FAM171A1: variants seen among roughly 807,000 people sequenced by gnomAD.
FAM171A1 encodes family with sequence similarity 171 member A1.
A neutral mutation model predicts 74.9 loss-of-function variants in FAM171A1; 23 were observed. The observed-to-expected ratio is 0.31, with a 90% CI of 0.22 to 0.44. The LOEUF (loss-of-function observed/expected upper bound fraction) is 0.44, where lower values mean the gene tolerates loss of function less well. Ranked by LOEUF, FAM171A1 falls within the 20% of genes least tolerant of loss-of-function variation. The pLI is 1.00. For missense variants in FAM171A1, 1,162 were observed against 1,159.2 expected, an observed-to-expected ratio of 1.00 and a Z score of -0.03; for synonymous variants, 527 against 505.7, an observed-to-expected ratio of 1.04 and a Z score of -0.57.
At chr10:15,330,348 A>T (rs1236375994) in intron 1 of FAM171A1, among the ~76,000 whole-genome samples, 1 of 152,122 alleles carries the variant, frequency 6.6e-6, no homozygotes, top group Non-Finnish European at 1.5e-5. Context: ...GAATTATTTT[A>T]CCACAGTGTC....
At chr10:15,231,668 C>T (rs1335854220) in intron 5 of FAM171A1, among the ~76,000 whole-genome samples, 1 of 152,052 alleles carries the variant, frequency 6.6e-6, no homozygotes, top group Non-Finnish European at 1.5e-5. Context: ...CATTTCCTAC[C>T]ATGTGGCTGT....
rs1399479195 is a variant in FAM171A1, at chr10:15,371,011, G to A, written c.42C>T (p.Cys14=). Residue 14 remains cysteine, a synonymous_variant, in exon 1 of 8, where the codon TGC becomes TGT. Coordinates refer to ENST00000378116, the MANE Select transcript of FAM171A1 (RefSeq NM_001010924.2). The part of the protein sequence containing the change: ...SATLLLCLLG[C]HVWKAVTKTL... ...TCTTGGTCACCGCCTTCCAGACGTG[G>A]CAGCCCAGCAGGCACAGCAGCAGCG... 1 of 1,188,352 alleles carries A rather than the reference G, an allele frequency of 8.4e-7. No individual in the cohort carries two copies. Among genetic ancestry groups the A allele is most frequent in the Admixed American group, 3.0e-5 (1 of 33,710 alleles). The allele number at this position is 1,188,352 out of a possible 1,614,324, so 73.6% of individuals were successfully genotyped here. A position where few individuals can be genotyped will look rare whatever the true frequency, so the allele number is the denominator to read the frequency against.
intron 1 of FAM171A1, among the ~76,000 whole-genome samples, chr10:15,361,249 C>T (rs1835989901): frequency 6.6e-6 from 1 of 152,184 alleles, no homozygotes; most frequent in South Asian, 2.1e-4. Flanking sequence ...TTCTTATTGA[C>T]TCCTCTGTGA....
At chr10:15,256,290 C>T (rs1283505742) in intron 3 of FAM171A1, among the ~76,000 whole-genome samples, 3 of 152,148 alleles carry the variant, frequency 2.0e-5, no homozygotes, top group Admixed American at 6.5e-5. Flanking sequence ...TTTAGAGCTC[C>T]AAGAATCCAC....
At chr10:15,244,487 C>G (rs1834405255) in intron 5 of FAM171A1, among the ~76,000 whole-genome samples, 1 of 152,304 alleles carries the variant, frequency 6.6e-6, no homozygotes, top group African/African-American at 2.4e-5. Flanking sequence ...CCATTGCACT[C>G]TAGCCTGGGT....
chr10:15,224,121 T>C (rs941615518), intron 5 of FAM171A1, among the ~76,000 whole-genome samples: 136 of 151,704 alleles, frequency 9.0e-4, no homozygotes, highest in African/African-American at 3.3e-3. Flanking sequence ...CCACCTGGGG[T>C]GGGTGTAGAA....
chr10:15,266,341 A>G (rs1292038910), intron 3 of FAM171A1, among the ~76,000 whole-genome samples: 2 of 152,148 alleles, frequency 1.3e-5, no homozygotes, highest in East Asian at 3.9e-4. Flanking sequence ...TCCAACAGCC[A>G]TGGCTGGGAG....
At chr10:15,232,431 C>T (rs1429887882) in intron 5 of FAM171A1, among the ~76,000 whole-genome samples, 1 of 152,200 alleles carries the variant, frequency 6.6e-6, no homozygotes, top group Admixed American at 6.5e-5. Flanking sequence ...GGGCCCTTCC[C>T]CAGCTTGTTT....
At chr10:15,280,889 A>G (rs141466905) in intron 2 of FAM171A1, among the ~76,000 whole-genome samples, 1 of 152,104 alleles carries the variant, frequency 6.6e-6, no homozygotes, top group African/African-American at 2.4e-5. Flanking sequence ...AATTTTGGAG[A>G]TGTTTCCTGT....
In FAM171A1 at chr10:15,267,020, G is replaced by A. The variant is rs77039704; in HGVS notation, c.418+8835C>T. On this transcript the variant is annotated intron_variant, in intron 3 of 7. Transcript: ENST00000378116. ...GAGCTCCACCTCAGGTAGACCCAAC[G>A]GGCAGTTTAGCGCACGGTGTGTTGG... Among the ~76,000 whole-genome samples the A allele has an allele frequency of 6.4e-3, 970 of 152,288 alleles. 6 individuals are homozygous for A. The highest frequency in any genetic ancestry group is 0.019 in the East Asian group (98 of 5,174).
In FAM171A1 at chr10:15,213,943, C is replaced by G. The variant is rs1051211743; in HGVS notation, c.1645G>C (p.Glu549Gln). The change falls in exon 8 of 8, where the codon GAG (glutamate) becomes CAG (glutamine). Residue 549 changes from glutamate to glutamine, a missense_variant. Transcript: ENST00000378116. The surrounding 1 kb of genome is among the most constrained non-coding windows in gnomAD (Gnocchi z 6.8). ...CMMSRSVDHLERPTSFPRPGQ... is the reference protein window; with the variant it reads ...CMMSRSVDHLQRPTSFPRPGQ... ...GGCCGTGGGAAGGACGTAGGTCTCT[C>G]GAGGTGATCTACTGATCGCGACATC... is the stretch of plus-strand genomic sequence containing the variant. 1 of 1,614,120 alleles carries G rather than the reference C, an allele frequency of 6.2e-7. No homozygotes were observed. Among genetic ancestry groups the G allele is most frequent in the Admixed American group, 1.7e-5 (1 of 60,014 alleles).
chr10:15,297,828 C>T (rs905115717), intron 1 of FAM171A1, among the ~76,000 whole-genome samples: 22 of 152,100 alleles, frequency 1.4e-4, no homozygotes, highest in Admixed American at 3.9e-4. Flanking sequence ...TTACTGGACC[C>T]GGTACAAAAT....
Position 15,283,990 on chromosome 10 carries a change from A to C in FAM171A1, c.213T>G (p.Asp71Glu). ...ASIASGTSGTDGVAFIKFQYK... is the reference protein window; with the variant it reads ...ASIASGTSGTEGVAFIKFQYK... Reference sequence around the variant, plus strand: ...ACTGGAACTTGATAAAGGCGACGCCATCAGTCCCCGAGGTGCCAGAGGCTA... The same window carrying C: ...ACTGGAACTTGATAAAGGCGACGCCCTCAGTCCCCGAGGTGCCAGAGGCTA... Residue 71 changes from aspartate (D) to glutamate (E), a missense_variant, in exon 2 of 8, where the codon GAT (aspartate) becomes GAG (glutamate). Physicochemically the swap from Asp to Glu is conservative, Grantham distance 45 (BLOSUM62 2). Transcript: ENST00000378116. The C allele has an allele frequency of 6.2e-7, 1 of 1,614,218 alleles. No individual in the cohort carries two copies. The highest frequency in any genetic ancestry group is 8.5e-7 in the Non-Finnish European group (1 of 1,180,030).
intron 5 of FAM171A1, chr10:15,240,916 C>T (rs1036132595): frequency 1.9e-5 from 3 of 159,332 alleles, no homozygotes; most frequent in Admixed American, 1.3e-4. Flanking sequence ...TGCTGGCACA[C>T]ACCTGTCGTA....
chr10:15,285,087 T>C (rs1051015827), intron 1 of FAM171A1, among the ~76,000 whole-genome samples: 10 of 152,230 alleles, frequency 6.6e-5, no homozygotes, highest in African/African-American at 2.2e-4. Flanking sequence ...AGGCAAGGGA[T>C]AGTTACCGAA....
chr10:15,282,521 G>A (rs747808508), intron 2 of FAM171A1, among the ~76,000 whole-genome samples: 2 of 152,140 alleles, frequency 1.3e-5, no homozygotes, highest in African/African-American at 2.4e-5. Context: ...TTGTAGCAGT[G>A]GTTCAGTATT....
chr10:15,222,687 C>A (rs760758591), intron 5 of FAM171A1, among the ~76,000 whole-genome samples: 1 of 152,200 alleles, frequency 6.6e-6, no homozygotes, highest in Admixed American at 6.5e-5. Context: ...TGGGTTGCTT[C>A]GAGGCCTTAT....
intron 1 of FAM171A1, among the ~76,000 whole-genome samples, chr10:15,351,822 G>A (rs1453265215): frequency 1.3e-5 from 2 of 152,230 alleles, no homozygotes; most frequent in East Asian, 1.9e-4. Flanking sequence ...TAGGGCCAAG[G>A]CAGGTGGATC....
Position 15,216,020 on chromosome 10 carries a change from A to G in FAM171A1, c.962T>C (p.Leu321Pro). The G allele has an allele frequency of 6.2e-7, 1 of 1,608,934 alleles. No homozygotes were observed. Among genetic ancestry groups the G allele is most frequent in the East Asian group, 2.2e-5 (1 of 44,820 alleles). ...GGMAFILLVL[L>P]CLLLYYCRRK... ...CCTGCAATAATATAAAAGGAGACAC[A>G]GCAAAACCAAAAGTATGAAAGCCAT... Residue 321 changes from leucine (L) to proline (P), a missense_variant, in exon 7 of 8, where the codon CTG (leucine) becomes CCG (proline). Physicochemically the swap from Leu to Pro is moderately conservative, Grantham distance 98. Coordinates refer to ENST00000378116, the MANE Select transcript of FAM171A1 (RefSeq NM_001010924.2).
Sources: allele counts gnomAD v4.1 joint callset (sites outside exome capture counted in the v4.1 genomes callset), GRCh38; gene constraint gnomAD v4.1.1; non-coding constraint Gnocchi (gnomAD v3.1); transcripts MANE v1.5; gene names NCBI Gene and HGNC (gene_info 2026-07-23, HGNC 2026-07-21).